The following TELO2 variants were observed in gnomAD, a reference collection of about 807,000 sequenced individuals.
TELO2 encodes the protein telomere length regulation protein TEL2 homolog.
Under a neutral mutation model 91.0 loss-of-function variants are expected in TELO2, and 71 were observed. The observed-to-expected ratio is 0.78, with a 90% confidence interval of 0.64 to 0.95. The LOEUF (loss-of-function observed/expected upper bound fraction) is 0.95. TELO2 is among the 40% of genes least tolerant of loss of function. The pLI, the probability that TELO2 is intolerant of heterozygous loss-of-function variation, is 0.00. For synonymous variants in TELO2, 584 were observed against 518.9 expected, an observed-to-expected ratio of 1.13 and a Z score of -1.71; for missense variants, 1,183 against 1,141.3, an observed-to-expected ratio of 1.04 and a Z score of -0.53.
In TELO2 at chr16:1,510,111, G is replaced by A. The variant is rs1370024891; in HGVS notation, c.*175G>A. The A allele has an allele frequency of 1.5e-5, 9 of 607,134 alleles. No homozygotes were observed. Among genetic ancestry groups the A allele is most frequent in the Admixed American group, 2.9e-5 (1 of 34,482 alleles). 37.6% of individuals were successfully genotyped at this position (607,134 alleles called of 1,614,324 possible). A position where few individuals can be genotyped will look rare whatever the true frequency, so the allele number is the denominator to read the frequency against. On this transcript the variant is annotated 3_prime_UTR_variant, in exon 21 of 21. Transcript: ENST00000262319. ...CCGCTATTTATAGTGCAGCCAGTCC[G>A]CTAAAAATACACTGGGCCTGGGCAC... is the stretch of plus-strand genomic sequence containing the variant.
chr16:1,494,237 A>G lies in TELO2; in HGVS notation c.-36-9A>G. 6.4e-7 allele frequency: 1 copy of G among 1,555,980 alleles called. No individual in the cohort carries two copies. Among genetic ancestry groups the G allele is most frequent in the Non-Finnish European group, 8.8e-7 (1 of 1,136,010 alleles). On this transcript the variant is annotated splice_polypyrimidine_tract_variant and intron_variant, in intron 1 of 20. Coordinates refer to ENST00000262319, the MANE Select transcript of TELO2 (RefSeq NM_016111.4). The surrounding 1 kb of genome is among the most constrained non-coding windows in gnomAD (Gnocchi z 5.6). ...GTGCCCCAAGCTGAGCCCTGTGTCC[A>G]TGTCACAGGTCGTCTTCCCGTGACG...
In TELO2 at chr16:1,500,433, T is replaced by C. The variant is rs756936148; in HGVS notation, c.1089T>C (p.Ala363=). The change falls in exon 8 of 21, where the codon GCT becomes GCC. Residue 363 remains alanine (A), a synonymous_variant. Coordinates refer to ENST00000262319, the MANE Select transcript of TELO2 (RefSeq NM_016111.4). ...PLPQQRHVSK[A]VLICLAQLGE... is the part of the protein sequence containing the mutation. ...CGCAGCAGCGCCACGTCAGCAAGGC[T>C]GTCCTCATCTGCCTGGCGCAACTCG... 6.2e-7 allele frequency: 1 copy of C among 1,608,898 alleles called. No individual in the cohort carries two copies. Among genetic ancestry groups the C allele is most frequent in the South Asian group, 1.1e-5 (1 of 90,288 alleles).
chr16:1,507,446 G>T (rs142118566), intron 19 of TELO2, 76 bp downstream of exon 19: 1 of 1,568,864 alleles, frequency 6.4e-7, no homozygotes, highest in Non-Finnish European at 8.6e-7. Context: ...GCCCCGTGGA[G>T]CCTCGAGGTG....
rs2039395525 is a variant in TELO2 at position 1,494,115 on chromosome 16, A to G, written c.-36-131A>G. 3.2e-6 allele frequency: 2 copies of G among 624,074 alleles called. No individual in the cohort carries two copies. The highest frequency in any genetic ancestry group is 2.8e-6 in the Non-Finnish European group (1 of 360,026). 38.7% of individuals were successfully genotyped at this position (624,074 alleles called of 1,614,324 possible). The stretch of plus-strand genomic sequence containing the variant: ...TGGAAACCGGCAGGCACTGGAGGGG[A>G]AGGAGGCGGGACAGGGTTGGGTGGG... On this transcript the variant is annotated intron_variant, in intron 1 of 20. Transcript: ENST00000262319. This position sits in a 1 kb window ranked among gnomAD's most constrained non-coding sequence, Gnocchi z 5.6.
Position 1,497,973 on chromosome 16 carries a change from G to C in TELO2, c.830+465G>C, listed in dbSNP as rs1352370481. On this transcript the variant is annotated intron_variant, in intron 5 of 20. Transcript: ENST00000262319. The surrounding 1 kb of genome is among the most constrained non-coding windows in gnomAD (Gnocchi z 4.0). The stretch of plus-strand genomic sequence containing the variant: ...GATGTCTCCCCTCCCTTCAACGTGT[G>C]CAAGGACATACCTGTCTCTGCCCAA... Among the ~76,000 whole-genome samples the C allele has an allele frequency of 6.6e-6, 1 of 151,524 alleles. No individual in the cohort carries two copies. Among genetic ancestry groups the C allele is most frequent in the East Asian group, 1.9e-4 (1 of 5,150 alleles).
chr16:1,500,959 G>A (rs2039657401), intron 9 of TELO2, among the ~76,000 whole-genome samples: 2 of 152,246 alleles, frequency 1.3e-5, no homozygotes, highest in South Asian at 2.1e-4. Context: ...ACGGGGGCCC[G>A]AGGGAGGCTG....
At chr16:1,501,315 C>T (rs1234004418) in intron 9 of TELO2, 105 bp from the exon 10 acceptor site, 9 of 1,234,254 alleles carry the variant, frequency 7.3e-6, no homozygotes, top group Non-Finnish European at 1.0e-5. Context: ...CTGAGTGAGA[C>T]CGGGCTGCGA....
rs772613251 is a variant in TELO2 at position 1,505,638 on chromosome 16, G to A, written c.2034+37G>A. 2 of 1,107,012 alleles carry A rather than the reference G, an allele frequency of 1.8e-6. No homozygotes were observed. The highest frequency in any genetic ancestry group is 1.8e-5 in the Admixed American group (1 of 55,088). 68.6% of individuals were successfully genotyped at this position (1,107,012 alleles called of 1,614,324 possible). ...CTGGTCAGCTCCTCACGGGCATGGG[G>A]ACCGTGGGTGGGTGGGAAGGGCGGT... On this transcript the variant is annotated intron_variant, in intron 16 of 20. Transcript: ENST00000262319. This position sits in a 1 kb window ranked among gnomAD's most constrained non-coding sequence, Gnocchi z 4.3.
rs529891619 is a variant in TELO2 at position 1,501,177 on chromosome 16, G to A, written c.1282-243G>A. ...TCTCTCTGGGGCATTGGCCTTGGGG[G>A]AGGCCCAGCTCCTTCGAGAGGGGCC... On this transcript the variant is annotated intron_variant, in intron 9 of 20. Coordinates refer to ENST00000262319, the MANE Select transcript of TELO2 (RefSeq NM_016111.4). Among the ~76,000 whole-genome samples, 3 of 152,354 alleles carry A rather than the reference G, an allele frequency of 2.0e-5. No homozygotes were observed. The East Asian group carries it at 5.8e-4, about 29-fold the overall frequency.
Position 1,509,910 on chromosome 16 carries a change from A to T in TELO2, c.2488A>T (p.Arg830Trp). ...ALLLLQRLKN[R>W]LLPPASP Reference sequence around the variant, plus strand: ...GCTGCTTCTGCAGAGACTCAAGAACAGGCTCCTCCCACCCGCGTCTCCCTA... The same window carrying T: ...GCTGCTTCTGCAGAGACTCAAGAACTGGCTCCTCCCACCCGCGTCTCCCTA... Residue 830 changes from arginine to tryptophan, a missense_variant, in exon 21 of 21, where the codon AGG (arginine) becomes TGG (tryptophan). Physicochemically the swap from Arg to Trp is moderately radical, Grantham distance 101. Coordinates refer to ENST00000262319, the MANE Select transcript of TELO2 (RefSeq NM_016111.4). 1 of 1,607,762 alleles carries T rather than the reference A, an allele frequency of 6.2e-7. No homozygotes were observed. The highest frequency in any genetic ancestry group is 8.5e-7 in the Non-Finnish European group (1 of 1,177,688).
Position 1,505,168 on chromosome 16 carries a change from G to A in TELO2, c.1843-242G>A, listed in dbSNP as rs975698339. ...CTGCGTGGCTTTAGGATGAGGCTGC[G>A]CTCGGCCCTGGGCGTGTTCTCATCT... On this transcript the variant is annotated intron_variant, in intron 15 of 20. Transcript: ENST00000262319. The surrounding 1 kb of genome is among the most constrained non-coding windows in gnomAD (Gnocchi z 4.3). 9 of 512,534 alleles carry A rather than the reference G, an allele frequency of 1.8e-5. No homozygotes were observed. Among genetic ancestry groups the A allele is most frequent in the African/African-American group, 1.1e-4 (6 of 52,650 alleles). 31.7% of individuals were successfully genotyped at this position (512,534 alleles called of 1,614,324 possible).
Position 1,503,022 on chromosome 16 carries a change from C to T in TELO2, c.1842+20C>T, listed in dbSNP as rs757436048. The T allele has an allele frequency of 1.2e-6, 2 of 1,607,946 alleles. No individual in the cohort carries two copies. The highest frequency in any genetic ancestry group is 1.7e-5 in the Admixed American group (1 of 60,020). On this transcript the variant is annotated intron_variant, in intron 15 of 20. Coordinates refer to ENST00000262319, the MANE Select transcript of TELO2 (RefSeq NM_016111.4). ...CTGGATGTAAGTGCCTCCTGGGCCT[C>T]AGTCCCCCTGGTCTGGCCCAAGCTG...
At chr16:1,504,217 G>A (rs1219489544) in intron 15 of TELO2, among the ~76,000 whole-genome samples, 2 of 151,296 alleles carry the variant, frequency 1.3e-5, no homozygotes, top group Non-Finnish European at 2.9e-5. Flanking sequence ...GGCGGATCAT[G>A]AGGTCAGGAG....
chr16:1,504,693 G>C (rs894818478), intron 15 of TELO2, among the ~76,000 whole-genome samples: 8 of 150,904 alleles, frequency 5.3e-5, no homozygotes, highest in African/African-American at 1.9e-4. Context: ...GAGTAGCTGG[G>C]ACTACAGGCG....
chr16:1,506,763 G>C, intron 17 of TELO2, 189 bp from the exon 18 acceptor site: 1 of 1,407,032 alleles, frequency 7.1e-7, no homozygotes, highest in Admixed American at 3.0e-5. Flanking sequence ...AGGTGGACTT[G>C]TGCCAGACAG....
intron 6 of TELO2, 39 bp from the exon 7 acceptor site, chr16:1,500,057 G>A (rs376742278): frequency 3.8e-5 from 61 of 1,584,632 alleles, no homozygotes; most frequent in South Asian, 1.0e-4. Context: ...GCCAGGCGGC[G>A]GCCTCAGCCC....
At position 1,510,029 on chromosome 16, in the gene TELO2, G is replaced by A; in HGVS notation, c.*93G>A. On this transcript the variant is annotated 3_prime_UTR_variant, in exon 21 of 21. Coordinates refer to ENST00000262319, the MANE Select transcript of TELO2 (RefSeq NM_016111.4). ...CAGCAGAGCCAGGCTTTGTAGCGAG[G>A]CCAGGTCTTCGGCCGCATCCGGTAC... 1 of 1,170,082 alleles carries A rather than the reference G, an allele frequency of 8.5e-7. No individual in the cohort carries two copies. The allele number at this position is 1,170,082 out of a possible 1,614,324, so 72.5% of individuals were successfully genotyped here.
rs2039913314 is a variant in TELO2 at position 1,506,927 on chromosome 16, CCTTGGGCTCCA to C, written c.2127-24_2127-14del. ...ACCTGGCCCTGAGGCACCCGCTGCA[CCTTGGGCTCCA>C]TCCTGTGCTCTAGGCCTCTGGTGAC... On this transcript the variant is annotated splice_polypyrimidine_tract_variant and intron_variant, in intron 17 of 20. Coordinates refer to ENST00000262319, the MANE Select transcript of TELO2 (RefSeq NM_016111.4). 1.9e-6 allele frequency: 3 copies of C among 1,590,518 alleles called. No individual in the cohort carries two copies. The East Asian group carries it at 6.8e-5, about 36-fold the overall frequency.
Position 1,510,124 on chromosome 16 carries a change from T to C in TELO2, c.*188T>C. 1 of 593,350 alleles carries C rather than the reference T, an allele frequency of 1.7e-6. No individual in the cohort carries two copies. Among genetic ancestry groups the C allele is most frequent in the Admixed American group, 3.0e-5 (1 of 33,754 alleles). The allele number at this position is 593,350 out of a possible 1,614,324, so 36.8% of individuals were successfully genotyped here. A position where few individuals can be genotyped will look rare whatever the true frequency, so the allele number is the denominator to read the frequency against. Reference sequence around the variant, plus strand: ...TGCAGCCAGTCCGCTAAAAATACACTGGGCCTGGGCACTGCCCGCCGGGAC... The same window carrying C: ...TGCAGCCAGTCCGCTAAAAATACACCGGGCCTGGGCACTGCCCGCCGGGAC... On this transcript the variant is annotated 3_prime_UTR_variant, in exon 21 of 21. Transcript: ENST00000262319.
Sources: allele counts gnomAD v4.1 joint callset (sites outside exome capture counted in the v4.1 genomes callset), GRCh38; gene constraint gnomAD v4.1.1; non-coding constraint Gnocchi (gnomAD v3.1); transcripts MANE v1.5; gene names NCBI Gene and HGNC (gene_info 2026-07-23, HGNC 2026-07-21).